Variants in GDAP1 observed in about 807,000 individuals in gnomAD.
The protein encoded by GDAP1 is ganglioside induced differentiation associated protein 1, also known as ganglioside-induced differentiation-associated protein 1.
In GDAP1, 34 loss-of-function variants were observed where a neutral mutation model predicts 40.1. The ratio of observed to expected loss-of-function variants is 0.85; its 90% CI spans 0.64 to 1.13. GDAP1 has a LOEUF of 1.13. Ranked by LOEUF, GDAP1 falls within the 50% of genes most tolerant of loss-of-function variation. The probability of loss-of-function intolerance (pLI) is 0.00; values close to 1 mark genes in which losing one functional copy is unlikely to be tolerated. For synonymous variants in GDAP1, 170 were observed against 157.4 expected (o/e 1.08, Z -0.60); for missense variants, 374 against 433.7 (o/e 0.86, Z 1.22).
intron 2 of GDAP1, among the ~76,000 whole-genome samples, chr8:74,467,770 T>C (rs992139815): frequency 6.6e-5 from 10 of 152,220 alleles, no homozygotes; most frequent in Non-Finnish European, 1.5e-4. Context: ...ACCCGGGGGC[T>C]GGACTGATCA....
intron 2 of GDAP1, among the ~76,000 whole-genome samples, chr8:74,435,119 G>T (rs1423805188): frequency 1.3e-5 from 2 of 152,112 alleles, no homozygotes; most frequent in Admixed American, 6.6e-5. Flanking sequence ...AAATAAATCG[G>T]CAAACCACTT....
intron 2 of GDAP1, among the ~76,000 whole-genome samples, chr8:74,418,144 T>C (rs1805808105): frequency 6.6e-6 from 1 of 152,218 alleles, no homozygotes; most frequent in Non-Finnish European, 1.5e-5. Context: ...GCCATTCCAA[T>C]CAAAATCCCG....
At chr8:74,484,299 T>C (rs1156958307) in intron 2 of GDAP1, among the ~76,000 whole-genome samples, 1 of 152,138 alleles carries the variant, frequency 6.6e-6, no homozygotes, top group East Asian at 1.9e-4. Flanking sequence ...TATTAGCAGG[T>C]TATATTTGCA....
intron 2 of GDAP1, among the ~76,000 whole-genome samples, chr8:74,387,822 T>G (rs1206860384): frequency 6.6e-6 from 1 of 152,198 alleles, no homozygotes; most frequent in Admixed American, 6.5e-5. Flanking sequence ...GGGCTTTTTT[T>G]GTTTGGTAGG....
At chr8:74,368,111 C>T (rs145697762), downstream of GDAP1, among the ~76,000 whole-genome samples, 1 of 152,292 alleles carries the variant, frequency 6.6e-6, no homozygotes, top group East Asian at 1.9e-4. Context: ...TCCTTAATTA[C>T]AAAGTGCTGT....
At chr8:74,474,818 G>T (rs1293843675) in intron 2 of GDAP1, among the ~76,000 whole-genome samples, 1 of 152,084 alleles carries the variant, frequency 6.6e-6, no homozygotes, top group Middle Eastern at 3.2e-3. Context: ...AGAATGAGTT[G>T]GGGAGGGATC....
intron 2 of GDAP1, among the ~76,000 whole-genome samples, chr8:74,416,935 T>TG (rs200439330): frequency 0.073 from 10,752 of 147,370 alleles, 767 homozygotes; most frequent in East Asian, 0.11. Context: ...TTTTGTTTTT[T>TG]TTTTTTTTAA....
At position 74,366,430 on chromosome 8, in the gene GDAP1, G is replaced by A. The variant is rs76349948; in HGVS notation, c.*2063G>A. 2.2e-6 allele frequency: 1 copy of A among 454,422 alleles called. No individual in the cohort carries two copies. The highest frequency in any genetic ancestry group is 4.4e-6 in the Non-Finnish European group (1 of 226,732). The allele number at this position is 454,422 out of a possible 1,614,324, so 28.1% of individuals were successfully genotyped here. ...GATTATTCTTCTGTTTTAAAAAAAA[G>A]CTTGAGGCAAATGTGAGTGATTTCC... On this transcript the variant is annotated 3_prime_UTR_variant, in exon 6 of 6. Transcript: ENST00000220822.
intron 2 of GDAP1, among the ~76,000 whole-genome samples, chr8:74,473,970 C>G (rs1459388906): frequency 6.6e-6 from 1 of 152,054 alleles, no homozygotes; most frequent in Non-Finnish European, 1.5e-5. Context: ...TTTGTTTCAC[C>G]TCTGTTTCCT....
chr8:74,423,283 TATG>T (rs1268203517), intron 2 of GDAP1, among the ~76,000 whole-genome samples: 6 of 147,338 alleles, frequency 4.1e-5, no homozygotes, highest in African/African-American at 4.9e-5. Flanking sequence ...CTATATATAA[TATG>T]ATATGTGATA....
At chr8:74,374,039 G>A (rs1586813254) in intron 2 of GDAP1, among the ~76,000 whole-genome samples, 1 of 152,262 alleles carries the variant, frequency 6.6e-6, no homozygotes, top group South Asian at 2.1e-4. Flanking sequence ...CTTTGTTTCT[G>A]TTTATATACT....
chr8:74,443,565 C>G (rs369399004), intron 2 of GDAP1, among the ~76,000 whole-genome samples: 2 of 152,134 alleles, frequency 1.3e-5, no homozygotes, highest in East Asian at 3.9e-4. Context: ...CCCTCAGAAG[C>G]TGAGGTTGGA....
chr8:74,408,997 G>A (rs918664717), intron 2 of GDAP1, among the ~76,000 whole-genome samples: 3 of 150,048 alleles, frequency 2.0e-5, no homozygotes, highest in African/African-American at 7.6e-5. Context: ...TTCTTGCAAT[G>A]TAGTCCCAGA....
At chr8:74,367,685 G>A (rs4737415), downstream of GDAP1, among the ~76,000 whole-genome samples, 28,647 of 152,202 alleles carry the variant, frequency 0.19, 2,958 homozygotes, top group Admixed American at 0.31. Flanking sequence ...CTCCAGAACA[G>A]TTGTTTTACT....
At chr8:74,399,053 AC>A (rs972914307) in intron 2 of GDAP1, among the ~76,000 whole-genome samples, 1 of 152,036 alleles carries the variant, frequency 6.6e-6, no homozygotes, top group African/African-American at 2.4e-5. Flanking sequence ...TCAGGATGAT[AC>A]TGGCCTCATA....
At chr8:74,439,169 T>G (rs1256015181) in intron 2 of GDAP1, among the ~76,000 whole-genome samples, 6 of 152,074 alleles carry the variant, frequency 3.9e-5, no homozygotes, top group Admixed American at 2.0e-4. Context: ...CACCAAAATG[T>G]TTAACATTTT....
intron 2 of GDAP1, among the ~76,000 whole-genome samples, chr8:74,439,058 A>G (rs6651283): frequency 0.74 from 109,876 of 147,754 alleles, 40,724 homozygotes; most frequent in Non-Finnish European, 0.82. Context: ...GTGTGTGTGT[A>G]TATAACTTTT....
rs1448066861 is a variant in GDAP1, at chr8:74,413,709, C to G, written c.165+62388C>G. ...AGTGGTCCTAAGTGGGTGGAATAAA[C>G]TCCTAAGCTTTTTTTTTTTTTTTTC... On this transcript the variant is annotated intron_variant, in intron 2 of 2. Transcript: ENST00000523640. Among the ~76,000 whole-genome samples the G allele has an allele frequency of 2.1e-5, 3 of 146,152 alleles. 1 individual carries two copies. Among genetic ancestry groups the G allele is most frequent in the African/African-American group, 8.3e-5 (3 of 36,108 alleles).
At chr8:74,375,847 T>C (rs1005967083) in intron 2 of GDAP1, among the ~76,000 whole-genome samples, 1 of 152,240 alleles carries the variant, frequency 6.6e-6, no homozygotes. Context: ...AAATTGTTTC[T>C]ATTTGTAATT....
Sources: allele counts gnomAD v4.1 joint callset (sites outside exome capture counted in the v4.1 genomes callset), GRCh38; gene constraint gnomAD v4.1.1; transcripts MANE v1.5; gene names NCBI Gene and HGNC (gene_info 2026-07-23, HGNC 2026-07-21).